The following KCND2 variants were observed in gnomAD, a reference collection of about 807,000 sequenced individuals.
The protein encoded by KCND2 is potassium voltage-gated channel subfamily D member 2, also known as A-type voltage-gated potassium channel KCND2.
KCND2 carries 16 observed loss-of-function variants against 54.4 expected under a neutral mutation model. The observed-to-expected ratio is 0.29, with a 90% CI of 0.20 to 0.45. The LOEUF (loss-of-function observed/expected upper bound fraction) is 0.45. Among genes scored for constraint, KCND2 ranks in the 20% least tolerant of loss-of-function variants. The pLI is 1.00. For missense variants in KCND2, 486 were observed against 824.2 expected, an observed-to-expected ratio of 0.59 and a Z score of 5.02; for synonymous variants, 317 against 310.7, an observed-to-expected ratio of 1.02 and a Z score of -0.21.
intron 1 of KCND2, among the ~76,000 whole-genome samples, chr7:120,290,480 C>T (rs1352659678): frequency 7.9e-5 from 12 of 151,882 alleles, no homozygotes; most frequent in Non-Finnish European, 1.6e-4. Context: ...TGCTATTTTT[C>T]TCATCTCTAT....
At chr7:120,680,994 T>C (rs1401361625) in intron 1 of KCND2, among the ~76,000 whole-genome samples, 1 of 152,116 alleles carries the variant, frequency 6.6e-6, no homozygotes, top group African/African-American at 2.4e-5. Flanking sequence ...TATTGAACTA[T>C]CAATAATATC....
intron 1 of KCND2, among the ~76,000 whole-genome samples, chr7:120,600,800 G>A (rs1584848817): frequency 6.6e-6 from 1 of 151,966 alleles, no homozygotes; most frequent in South Asian, 2.1e-4. Flanking sequence ...TAGGAAATAT[G>A]TTATTGTTGT....
chr7:120,678,585 TTACACACATATATATACACA>T (rs1308524516), intron 1 of KCND2, among the ~76,000 whole-genome samples: 2 of 147,316 alleles, frequency 1.4e-5, no homozygotes, highest in Non-Finnish European at 1.5e-5. Flanking sequence ...TTACAGTTCA[TTACACACATATATATACACA>T]TACACACATA....
At chr7:120,378,856 ATAAAATCT>A (rs1800873126) in intron 1 of KCND2, among the ~76,000 whole-genome samples, 1 of 152,008 alleles carries the variant, frequency 6.6e-6, no homozygotes, top group Non-Finnish European at 1.5e-5. Flanking sequence ...TGAGAGGGTG[ATAAAATCT>A]TAGTTGTAAT....
At chr7:120,484,795 A>G (rs1424440374) in intron 1 of KCND2, among the ~76,000 whole-genome samples, 2 of 152,136 alleles carry the variant, frequency 1.3e-5, no homozygotes, top group Non-Finnish European at 2.9e-5. Context: ...AAAAATTAAA[A>G]GTAAAATTTT....
At chr7:120,444,460 T>A (rs1315611931) in intron 1 of KCND2, among the ~76,000 whole-genome samples, 1 of 152,156 alleles carries the variant, frequency 6.6e-6, no homozygotes, top group African/African-American at 2.4e-5. Context: ...CTATACCAGA[T>A]CAGTGTGCCC....
chr7:120,336,069 A>C (rs2116356996), intron 1 of KCND2, among the ~76,000 whole-genome samples: 1 of 152,290 alleles, frequency 6.6e-6, no homozygotes, highest in African/African-American at 2.4e-5. Flanking sequence ...ATTATTTTTT[A>C]AGGTGGGATA....
intron 1 of KCND2, among the ~76,000 whole-genome samples, chr7:120,594,573 T>G (rs1310343282): frequency 6.6e-6 from 1 of 152,198 alleles, no homozygotes; most frequent in African/African-American, 2.4e-5. Flanking sequence ...CGTGTGAATT[T>G]TGTAGAAACA....
At chr7:120,582,381 A>G (rs1006240155) in intron 1 of KCND2, among the ~76,000 whole-genome samples, 3 of 151,860 alleles carry the variant, frequency 2.0e-5, no homozygotes, top group Non-Finnish European at 2.9e-5. Context: ...TACTCTCCTC[A>G]TTCTTAATAT....
chr7:120,533,225 T>C lies in KCND2; in HGVS notation c.1116-199678T>C, dbSNP rs549867762. On this transcript the variant is annotated intron_variant, in intron 1 of 5. Transcript: ENST00000331113. ...AATTATTTTTTTGACCTCTCTGTTA[T>C]GTGAAAACTTTTCTAACCAAAAGAG... Among the ~76,000 whole-genome samples, 16 of 152,246 alleles carry C rather than the reference T, an allele frequency of 1.1e-4. No individual in the cohort carries two copies. The East Asian group carries it at 1.9e-3, about 18-fold the overall frequency.
At chr7:120,402,392 G>A (rs998621686) in intron 1 of KCND2, among the ~76,000 whole-genome samples, 1 of 152,080 alleles carries the variant, frequency 6.6e-6, no homozygotes, top group African/African-American at 2.4e-5. Flanking sequence ...TTTTGAAAAC[G>A]ATAAACATTT....
intron 1 of KCND2, among the ~76,000 whole-genome samples, chr7:120,585,310 G>A (rs1792578915): frequency 6.6e-6 from 1 of 152,124 alleles, no homozygotes; most frequent in Non-Finnish European, 1.5e-5. Context: ...AACAGAAGGG[G>A]ATGGGGGGTG....
intron 1 of KCND2, among the ~76,000 whole-genome samples, chr7:120,355,399 T>C (rs1387115097): frequency 1.3e-5 from 2 of 151,970 alleles, no homozygotes; most frequent in Admixed American, 6.6e-5. Flanking sequence ...ATACAAAAAT[T>C]AGCTGGGCGT....
At position 120,464,097 on chromosome 7, in the gene KCND2, G is replaced by T. The variant is rs1802330937; in HGVS notation, c.1115+188350G>T. 2 of 982,472 alleles carry T rather than the reference G, an allele frequency of 2.0e-6. 1 individual carries two copies. Among genetic ancestry groups the T allele is most frequent in the South Asian group, 9.4e-5 (2 of 21,182 alleles). 60.9% of individuals were successfully genotyped at this position (982,472 alleles called of 1,614,324 possible). A position where few individuals can be genotyped will look rare whatever the true frequency, so the allele number is the denominator to read the frequency against. ...CAAGCCACCCCAAAGCACATCACAG[G>T]ATTGCCTGGTTTCCCCCTAGCTATC... is the stretch of plus-strand genomic sequence containing the variant. On this transcript the variant is annotated intron_variant, in intron 1 of 5. Coordinates refer to ENST00000331113, the MANE Select transcript of KCND2 (RefSeq NM_012281.3).
At chr7:120,672,094 A>C (rs2068956285) in intron 1 of KCND2, among the ~76,000 whole-genome samples, 1 of 152,040 alleles carries the variant, frequency 6.6e-6, no homozygotes, top group Non-Finnish European at 1.5e-5. Flanking sequence ...AGGGACCTTC[A>C]TTAATGGATT....
intron 2 of KCND2, among the ~76,000 whole-genome samples, chr7:120,738,976 A>G (rs772483885): frequency 1.3e-5 from 2 of 152,028 alleles, no homozygotes; most frequent in Non-Finnish European, 2.9e-5. Flanking sequence ...TGAAATTTAG[A>G]TGGGAAGTTC....
intron 1 of KCND2, among the ~76,000 whole-genome samples, chr7:120,623,566 A>C (rs190702269): frequency 6.6e-6 from 1 of 152,184 alleles, no homozygotes; most frequent in African/African-American, 2.4e-5. Flanking sequence ...GAGACTGTGC[A>C]TTTTCAACAA....
At chr7:120,740,714 G>C (rs1283063594) in intron 2 of KCND2, 2 of 325,472 alleles carry the variant, frequency 6.1e-6, no homozygotes, top group African/African-American at 4.5e-5. Context: ...CCTCTACATT[G>C]AAGGATATTC....
intron 1 of KCND2, among the ~76,000 whole-genome samples, chr7:120,364,374 A>G (rs1040038084): frequency 6.6e-6 from 1 of 152,178 alleles, no homozygotes; most frequent in African/African-American, 2.4e-5. Flanking sequence ...AAGCAGTGGG[A>G]AGGATACTAG....
Sources: gnomAD v4.1 joint callset for allele counts (sites outside exome capture counted in the v4.1 genomes callset) on GRCh38, gnomAD v4.1.1 for gene constraint, MANE v1.5 for transcripts, NCBI Gene and HGNC (gene_info 2026-07-23, HGNC 2026-07-21) for gene names.